The following USP42 variants were observed in gnomAD, a reference collection of about 807,000 sequenced individuals.
The protein encoded by USP42 is ubiquitin specific peptidase 42.
USP42 carries 23 observed loss-of-function variants against 113.0 expected under a neutral mutation model. The ratio of observed to expected loss-of-function variants is 0.20; its 90% CI spans 0.15 to 0.29. USP42 has a LOEUF of 0.29. Ranked by LOEUF, USP42 falls within the 10% of genes least tolerant of loss-of-function variation. The pLI, the probability that USP42 is intolerant of heterozygous loss-of-function variation, is 1.00. For synonymous variants in USP42, 933 were observed against 699.0 expected, an observed-to-expected ratio of 1.33 and a Z score of -5.28; for missense variants, 2,174 against 1,779.8, an observed-to-expected ratio of 1.22 and a Z score of -3.99.
chr7:6,128,212 G>A (rs1309598904), intron 3 of USP42: 1 of 150,582 alleles, frequency 6.6e-6, no homozygotes, highest in African/African-American at 2.4e-5. Flanking sequence ...CTTGGCCTCT[G>A]AAAGTGTTGG....
At chr7:6,144,018 G>A (rs569648273) in intron 8 of USP42, 67 bp from the exon 9 acceptor site, 1 of 1,077,672 alleles carries the variant, frequency 9.3e-7, no homozygotes. Flanking sequence ...TAACAAGAAA[G>A]ACCAAAATAC....
chr7:6,108,308 C>A (rs547626561), intron 1 of USP42, among the ~76,000 whole-genome samples: 168 of 152,192 alleles, frequency 1.1e-3, no homozygotes, highest in Non-Finnish European at 2.1e-3. Context: ...GAGGCAGAGG[C>A]AGGAGGATCG....
At position 6,157,048 on chromosome 7, in the gene USP42, T is replaced by C; in HGVS notation, c.3936T>C (p.Tyr1312=). ...SRDDRCRLFE[Y]GQGD is the part of the protein sequence containing the mutation. Reference sequence around the variant, plus strand: ...ATGACAGGTGTCGTCTCTTTGAGTATGGCCAGGGTAAGAGGAGATACTTGG... The same window carrying C: ...ATGACAGGTGTCGTCTCTTTGAGTACGGCCAGGGTAAGAGGAGATACTTGG... The change falls in exon 16 of 18, where the codon TAT becomes TAC. Residue 1312 remains tyrosine, a synonymous_variant. Transcript: ENST00000306177. The surrounding 1 kb of genome is among the most constrained non-coding windows in gnomAD (Gnocchi z 4.1). 6.2e-7 allele frequency: 1 copy of C among 1,600,140 alleles called. No individual in the cohort carries two copies. The highest frequency in any genetic ancestry group is 1.1e-5 in the South Asian group (1 of 88,544).
At chr7:6,131,777 C>T (rs1449906374) in intron 3 of USP42, among the ~76,000 whole-genome samples, 1 of 152,128 alleles carries the variant, frequency 6.6e-6, no homozygotes, top group African/African-American at 2.4e-5. Context: ...TCTCTTTCTA[C>T]CTTTCACAGC....
At chr7:6,153,238 G>T (rs4486101) in intron 14 of USP42, among the ~76,000 whole-genome samples, 2 of 150,930 alleles carry the variant, frequency 1.3e-5, no homozygotes, top group African/African-American at 4.9e-5. Flanking sequence ...ACACCACTGC[G>T]CTCCAGCCTG....
At chr7:6,091,978 T>TTCTTCTTCTTCTTC in the USP42 span, among the ~76,000 whole-genome samples, 3 of 67,868 alleles carry the variant, frequency 4.4e-5, no homozygotes, top group Admixed American at 1.6e-4. Context: ...GGACGTATTT[T>TTCTTCTTCTTCTTC]TTCTTCTTCT....
intron 3 of USP42, among the ~76,000 whole-genome samples, chr7:6,129,655 A>G (rs187570777): frequency 1.2e-3 from 188 of 150,794 alleles, no homozygotes; most frequent in Middle Eastern, 3.5e-3. Flanking sequence ...GAGGTCAGGG[A>G]TTCAAGACCA....
At chr7:6,152,184 G>C (rs952299653) in intron 14 of USP42, among the ~76,000 whole-genome samples, 1 of 152,230 alleles carries the variant, frequency 6.6e-6, no homozygotes, top group Non-Finnish European at 1.5e-5. Context: ...GGCGGTGCTT[G>C]CATCTCTGCA....
intron 3 of USP42, among the ~76,000 whole-genome samples, chr7:6,123,054 G>C (rs1272776129): frequency 6.7e-6 from 1 of 150,254 alleles, no homozygotes; most frequent in Non-Finnish European, 1.5e-5. Context: ...TCAAACTCCT[G>C]ACCTCAGGTG....
At chr7:6,090,339 T>C in the USP42 span, among the ~76,000 whole-genome samples, 1,145 of 120,834 alleles carry the variant, frequency 9.5e-3, 21 homozygotes, top group South Asian at 0.09. Flanking sequence ...TATTTCTTTA[T>C]ATATATATTT....
Position 6,145,397 on chromosome 7 carries a change from C to A in USP42, c.991-119C>A, listed in dbSNP as rs893200095. 1.3e-5 allele frequency: 15 copies of A among 1,182,628 alleles called. No homozygotes were observed. The African/African-American group carries it at 2.3e-4, about 18-fold the overall frequency. The allele number at this position is 1,182,628 out of a possible 1,614,324, so 73.3% of individuals were successfully genotyped here. A position where few individuals can be genotyped will look rare whatever the true frequency, so the allele number is the denominator to read the frequency against. ...ATGCATTAGGTTTTTGCTAGAATATCACAGGGCTCAGGTGTTCTGTGGGTC... is the reference window on the plus strand; with the variant it reads ...ATGCATTAGGTTTTTGCTAGAATATAACAGGGCTCAGGTGTTCTGTGGGTC... On this transcript the variant is annotated intron_variant, in intron 9 of 17. Coordinates refer to ENST00000306177, the MANE Select transcript of USP42 (RefSeq NM_032172.3).
At chr7:6,141,991 C>A (rs1217641541) in intron 7 of USP42, among the ~76,000 whole-genome samples, 5 of 152,162 alleles carry the variant, frequency 3.3e-5, no homozygotes, top group African/African-American at 1.2e-4. Flanking sequence ...TGAGCGTGCT[C>A]TCTGGGCAGT....
rs769556202 is a variant in USP42, at chr7:6,156,914, G to A, written c.3802G>A (p.Ala1268Thr). The A allele has an allele frequency of 6.8e-6, 11 of 1,613,736 alleles. No individual in the cohort carries two copies. The highest frequency in any genetic ancestry group is 1.3e-5 in the African/African-American group (1 of 74,916). The change falls in exon 16 of 18, where the codon GCC becomes ACC. Residue 1268 changes from alanine to threonine, a missense_variant. Coordinates refer to ENST00000306177, the MANE Select transcript of USP42 (RefSeq NM_032172.3). ...LPRVTSLETV[A>T]QFRRAQGGFP... ...CAGGGTCACCAGCTTGGAGACTGTC[G>A]CCCAGTTCCGGAGAGCCCAGGGTGG...
At chr7:6,104,907 G>C (rs1404325709), upstream of USP42, 1 of 147,050 alleles carries the variant, frequency 6.8e-6, no homozygotes, top group South Asian at 1.8e-4. Context: ...GCGCGGCGCT[G>C]ACCCGGAGGC....
the USP42 span, among the ~76,000 whole-genome samples, chr7:6,091,827 C>T: frequency 6.6e-6 from 1 of 150,382 alleles, no homozygotes; most frequent in Admixed American, 6.6e-5. Context: ...TGGGCTTGAT[C>T]CCTCCCACCA....
chr7:6,124,843 C>T (rs925836471), intron 3 of USP42, among the ~76,000 whole-genome samples: 2 of 151,526 alleles, frequency 1.3e-5, no homozygotes, highest in African/African-American at 4.9e-5. Flanking sequence ...ATGGTGGTTA[C>T]TTTAGGTTAT....
rs2128521528 is a variant in USP42, at chr7:6,154,216, C to G, written c.2662C>G (p.Gln888Glu). Residue 888 changes from glutamine (Q) to glutamate (E), a missense_variant, in exon 15 of 18, where the codon CAG becomes GAG. Coordinates refer to ENST00000306177, the MANE Select transcript of USP42 (RefSeq NM_032172.3). ...CGCCCGGGACGCTCAGGACCCATCC[C>G]AGAGCTTGGGCGCACCCGAGGCCGC... ...DHARDAQDPS[Q>E]SLGAPEAAER... is the part of the protein sequence containing the mutation. 6.2e-7 allele frequency: 1 copy of G among 1,607,016 alleles called. No individual in the cohort carries two copies. The highest frequency in any genetic ancestry group is 8.5e-7 in the Non-Finnish European group (1 of 1,178,992).
At chr7:6,082,011 C>T in the USP42 span, among the ~76,000 whole-genome samples, 1 of 151,854 alleles carries the variant, frequency 6.6e-6, no homozygotes, top group South Asian at 2.1e-4. Flanking sequence ...TAGGTATTTT[C>T]TGCGGGGACT....
At chr7:6,151,131 C>T (rs947569304) in intron 14 of USP42, among the ~76,000 whole-genome samples, 4 of 152,320 alleles carry the variant, frequency 2.6e-5, no homozygotes, top group Admixed American at 1.3e-4. Flanking sequence ...GGAAAACTGG[C>T]ACACCTGCAC....
Sources: gnomAD v4.1 joint callset for allele counts (sites outside exome capture counted in the v4.1 genomes callset) on GRCh38, gnomAD v4.1.1 for gene constraint, Gnocchi (gnomAD v3.1) non-coding constraint, MANE v1.5 for transcripts, NCBI Gene and HGNC (gene_info 2026-07-23, HGNC 2026-07-21) for gene names.